The following CRELD1 variants were observed in gnomAD, a reference collection of about 807,000 sequenced individuals.
CRELD1 encodes the protein protein disulfide isomerase CRELD1.
CRELD1 carries 42 observed loss-of-function variants against 58.2 expected under a neutral mutation model. That is an observed-to-expected ratio of 0.72 (90% CI 0.56 to 0.93). The LOEUF (loss-of-function observed/expected upper bound fraction) is 0.93, where lower values mean the gene tolerates loss of function less well. Among genes scored for constraint, CRELD1 ranks in the 40% least tolerant of loss-of-function variants. The probability of loss-of-function intolerance (pLI) is 0.00; values close to 1 mark genes in which losing one functional copy is unlikely to be tolerated. For synonymous variants in CRELD1, 222 were observed against 202.0 expected (o/e 1.10, Z -0.84); for missense variants, 500 against 540.6 (o/e 0.92, Z 0.74).
intron 4 of CRELD1, 63 bp from the exon 5 acceptor site, chr3:9,937,952 C>A: frequency 1.7e-6 from 2 of 1,192,236 alleles, no homozygotes; most frequent in Non-Finnish European, 2.5e-6. Context: ...GGAATGGGAA[C>A]AGCACTTATG....
intron 3 of CRELD1, among the ~76,000 whole-genome samples, chr3:9,937,081 G>A (rs533639077): frequency 2.6e-5 from 4 of 152,292 alleles, no homozygotes; most frequent in African/African-American, 9.6e-5. Flanking sequence ...TCCAGTAGTG[G>A]AATTGGCAGG....
At chr3:9,938,705 A>C (rs1359640714) in intron 5 of CRELD1, 1 of 152,548 alleles carries the variant, frequency 6.6e-6, no homozygotes, top group Non-Finnish European at 1.5e-5. Flanking sequence ...TAAAAAATAC[A>C]AAAAATTAGC....
Position 9,943,122 on chromosome 3 carries a change from G to A in CRELD1, c.863G>A (p.Arg288His), listed in dbSNP as rs746951044. ...GGCTGCATGGGGGCAGGGCCAGGTC[G>A]CTGTAAGAAGTGTAGCCCTGGCTAT... ...CLGCMGAGPGRCKKCSPGYQQ... is the reference protein window; with the variant it reads ...CLGCMGAGPGHCKKCSPGYQQ... The change falls in exon 9 of 11, where the codon CGC becomes CAC. Residue 288 changes from arginine to histidine, a missense_variant. Physicochemically the swap from Arg to His is conservative, Grantham distance 29. Transcript: ENST00000452070. 6.2e-6 allele frequency: 10 copies of A among 1,613,602 alleles called. No individual in the cohort carries two copies. Among genetic ancestry groups the A allele is most frequent in the Admixed American group, 3.3e-5 (2 of 59,994 alleles).
At chr3:9,944,168 C>T (rs1484970613) in intron 10 of CRELD1, 197 bp from the exon 11 acceptor site, 1 of 790,620 alleles carries the variant, frequency 1.3e-6, no homozygotes, top group East Asian at 2.4e-5. Context: ...CTCTCTGAGC[C>T]TCACTTTCCC....
intron 3 of CRELD1, chr3:9,936,138 G>C (rs1253466411): frequency 6.6e-6 from 1 of 152,134 alleles, no homozygotes; most frequent in African/African-American, 2.4e-5. Flanking sequence ...TAACCTCTCA[G>C]AGCCACAGTT....
chr3:9,937,635 CTGAG>C lies in CRELD1; in HGVS notation c.336_339del (p.Ser112ArgfsTer27), dbSNP rs1170901725. 8 of 1,611,556 alleles carry C rather than the reference CTGAG, an allele frequency of 5.0e-6. No homozygotes were observed. Among genetic ancestry groups the C allele is most frequent in the Non-Finnish European group, 5.1e-6 (6 of 1,179,332 alleles). ...CTTCGAGTGCCACCGCCTGCTGGAG[CTGAG>C]TGAGGAGCTGGTGGAGAGCTGGTGG... On this transcript the variant is annotated frameshift_variant, in exon 4 of 11. Transcript: ENST00000452070. LOFTEE classifies it high-confidence loss of function.
At chr3:9,943,354 G>T in intron 9 of CRELD1, 27 bp from the exon 10 acceptor site, 1 of 1,613,844 alleles carries the variant, frequency 6.2e-7, no homozygotes, top group Non-Finnish European at 8.5e-7. Flanking sequence ...GGCCCTAGCA[G>T]GACTCTGACC....
chr3:9,938,245 C>T, intron 5 of CRELD1, 139 bp downstream of exon 5: 2 of 722,100 alleles, frequency 2.8e-6, no homozygotes, highest in Non-Finnish European at 4.9e-6. Context: ...GCCTGCCTGA[C>T]AGGGCTGGGG....
At chr3:9,940,526 G>A (rs1276408490) in intron 5 of CRELD1, among the ~76,000 whole-genome samples, 1 of 151,992 alleles carries the variant, frequency 6.6e-6, no homozygotes, top group African/African-American at 2.4e-5. Context: ...AAACCAGTCA[G>A]GCGTGGTGGC....
intron 5 of CRELD1, among the ~76,000 whole-genome samples, chr3:9,939,940 G>A (rs1236852907): frequency 6.6e-6 from 1 of 151,302 alleles, no homozygotes; most frequent in African/African-American, 2.4e-5. Context: ...CTCCCGGACG[G>A]GGCGGCTGGC....
In CRELD1 at chr3:9,944,627, A is replaced by T. The variant is rs781261945; in HGVS notation, c.*48A>T. 1 of 1,514,208 alleles carries T rather than the reference A, an allele frequency of 6.6e-7. No homozygotes were observed. The highest frequency in any genetic ancestry group is 1.9e-5 in the Admixed American group (1 of 52,132). 93.8% of individuals were successfully genotyped at this position (1,514,208 alleles called of 1,614,324 possible). On this transcript the variant is annotated 3_prime_UTR_variant, in exon 11 of 11. Coordinates refer to ENST00000452070, the MANE Select transcript of CRELD1 (RefSeq NM_001077415.3). ...CTCCTCCCACCCACGCTGCCCCCAG[A>T]GCTTGGGCTGCCCTCCTGCTGGACA... is the stretch of plus-strand genomic sequence containing the variant.
chr3:9,936,551 G>GTA (rs36230194), intron 3 of CRELD1, among the ~76,000 whole-genome samples: 2,202 of 148,498 alleles, frequency 0.015, 26 homozygotes, highest in Middle Eastern at 0.018. Context: ...ATATATATGC[G>GTA]TATATATATA....
chr3:9,937,477 G>T, intron 3 of CRELD1, 85 bp from the exon 4 acceptor site: 1 of 888,054 alleles, frequency 1.1e-6, no homozygotes. Flanking sequence ...TATTTTCACC[G>T]CACGAGGAAG....
intron 2 of CRELD1, 48 bp downstream of exon 2, chr3:9,934,660 T>TG: frequency 1.3e-6 from 2 of 1,592,222 alleles, no homozygotes; most frequent in Non-Finnish European, 1.7e-6. Flanking sequence ...CGATTTAGAG[T>TG]GGGGAACTCT....
intron 9 of CRELD1, 91 bp downstream of exon 9, chr3:9,943,263 G>A: frequency 1.9e-6 from 3 of 1,593,594 alleles, no homozygotes; most frequent in Non-Finnish European, 1.7e-6. Flanking sequence ...GGTGGGGGAA[G>A]GAAGGGTGGA....
intron 3 of CRELD1, among the ~76,000 whole-genome samples, chr3:9,936,839 C>T (rs921899661): frequency 2.6e-5 from 4 of 152,104 alleles, no homozygotes; most frequent in African/African-American, 9.7e-5. Flanking sequence ...TGGCTAGTTT[C>T]ACTTAGCATA....
At chr3:9,934,948 T>G in intron 3 of CRELD1, 31 bp downstream of exon 3, 1 of 1,549,306 alleles carries the variant, frequency 6.5e-7, no homozygotes, top group Non-Finnish European at 8.8e-7. Flanking sequence ...GGGGTGTATA[T>G]TCCCCTCCCC....
intron 10 of CRELD1, chr3:9,944,027 T>A: frequency 1.1e-6 from 1 of 873,098 alleles, no homozygotes; most frequent in East Asian, 2.4e-5. Flanking sequence ...CCCAGGGCTA[T>A]ATGGCAAGCA....
At position 9,939,658 on chromosome 3, in the gene CRELD1, T is replaced by C. The variant is rs865835852; in HGVS notation, c.461-1192T>C. Among the ~76,000 whole-genome samples the C allele has an allele frequency of 2.3e-4, 35 of 152,366 alleles. 2 individuals are homozygous for C. The Middle Eastern group carries it at 0.014, about 59-fold the overall frequency. ...GAGCACAGGGTTGGGGATAAGGTCA[T>C]AGATCAACAGGATCCCAAGGCAGAA... On this transcript the variant is annotated intron_variant, in intron 5 of 10. Coordinates refer to ENST00000452070, the MANE Select transcript of CRELD1 (RefSeq NM_001077415.3).
Sources: allele counts gnomAD v4.1 joint callset (sites outside exome capture counted in the v4.1 genomes callset), GRCh38; gene constraint gnomAD v4.1.1; transcripts MANE v1.5; gene names NCBI Gene and HGNC (gene_info 2026-07-23, HGNC 2026-07-21).